CTNNA2: variants seen among roughly 807,000 people sequenced by gnomAD.
CTNNA2 encodes the protein catenin alpha 2.
In CTNNA2, 42 loss-of-function variants were observed where a neutral mutation model predicts 101.0. The ratio of observed to expected loss-of-function variants is 0.42; its 90% CI spans 0.32 to 0.54. The LOEUF (loss-of-function observed/expected upper bound fraction) is 0.54, where lower values mean the gene tolerates loss of function less well. Among genes scored for constraint, CTNNA2 ranks in the 20% least tolerant of loss-of-function variants. The pLI is 0.14. For missense variants in CTNNA2, 871 were observed against 1,223.1 expected, an observed-to-expected ratio of 0.71 and a Z score of 4.29; for synonymous variants, 450 against 456.4, an observed-to-expected ratio of 0.99 and a Z score of 0.18.
intron 7 of CTNNA2, among the ~76,000 whole-genome samples, chr2:79,991,059 C>T (rs191676829): frequency 2.6e-4 from 39 of 152,212 alleles, no homozygotes; most frequent in African/African-American, 7.0e-4. Context: ...AGTTTATTTG[C>T]GTATAGGTGT....
chr2:80,241,805 A>T (rs1670965667), intron 7 of CTNNA2, among the ~76,000 whole-genome samples: 1 of 152,212 alleles, frequency 6.6e-6, no homozygotes, highest in South Asian at 2.1e-4. Context: ...TTTGCTGTAG[A>T]TTAATGCCAG....
At chr2:80,414,707 AGACACAGG>A in intron 8 of CTNNA2, among the ~76,000 whole-genome samples, 1 of 152,326 alleles carries the variant, frequency 6.6e-6, no homozygotes, top group East Asian at 1.9e-4. Flanking sequence ...ATTGTCACAA[AGACACAGG>A]GTGCCTTAAC....
chr2:79,720,045 A>T (rs1686376330), intron 2 of CTNNA2, among the ~76,000 whole-genome samples: 1 of 152,132 alleles, frequency 6.6e-6, no homozygotes. Context: ...TTCAATCTTT[A>T]GTCCATCTTA....
At chr2:79,784,811 GA>G (rs1558927107) in intron 3 of CTNNA2, among the ~76,000 whole-genome samples, 2 of 151,144 alleles carry the variant, frequency 1.3e-5, no homozygotes, top group South Asian at 2.1e-4. Context: ...ATGTAATGTT[GA>G]AAAAAAGCAG....
chr2:80,254,392 A>G (rs528712432), intron 7 of CTNNA2, among the ~76,000 whole-genome samples: 1 of 152,306 alleles, frequency 6.6e-6, no homozygotes, highest in Admixed American at 6.5e-5. Flanking sequence ...TAGAAAAAAT[A>G]AGAAAGAAAG....
At chr2:79,823,401 C>T (rs1353593868) in intron 3 of CTNNA2, among the ~76,000 whole-genome samples, 1 of 152,044 alleles carries the variant, frequency 6.6e-6, no homozygotes, top group Non-Finnish European at 1.5e-5. Flanking sequence ...GCTGCTAGTC[C>T]CAGCTACTTG....
At chr2:79,961,726 G>A (rs1378113429) in intron 7 of CTNNA2, among the ~76,000 whole-genome samples, 2 of 151,376 alleles carry the variant, frequency 1.3e-5, no homozygotes, top group East Asian at 3.9e-4. Flanking sequence ...GGAGGCTGAG[G>A]CAAGAGAATG....
intron 7 of CTNNA2, among the ~76,000 whole-genome samples, chr2:79,970,313 T>A (rs1233961597): frequency 6.6e-6 from 1 of 152,166 alleles, no homozygotes; most frequent in Non-Finnish European, 1.5e-5. Context: ...ACTCCACGGG[T>A]ATGAGGCTGC....
chr2:80,456,885 C>G (rs1684024160), intron 9 of CTNNA2, among the ~76,000 whole-genome samples: 1 of 152,006 alleles, frequency 6.6e-6, no homozygotes, highest in African/African-American at 2.4e-5. Flanking sequence ...TACAAAAATA[C>G]AGTTAGGTAG....
chr2:80,274,928 G>C (rs1011087102), intron 7 of CTNNA2, among the ~76,000 whole-genome samples: 1 of 152,088 alleles, frequency 6.6e-6, no homozygotes, highest in Non-Finnish European at 1.5e-5. Context: ...ATAATGATTT[G>C]TTGACTTATC....
chr2:79,951,846 A>G (rs1688906015), intron 7 of CTNNA2, among the ~76,000 whole-genome samples: 1 of 152,148 alleles, frequency 6.6e-6, no homozygotes, highest in South Asian at 2.1e-4. Flanking sequence ...CCTGATGCCA[A>G]TGCTGTCAAC....
rs1553373413 is a variant in CTNNA2 at position 79,818,821 on chromosome 2, T to TTTTATATATATATATATATATATATATA, written c.299-39191_299-39190insTTATATATATATATATATATATATATAT. Among the ~76,000 whole-genome samples, 493 of 74,046 alleles carry TTTTATATATATATATATATATATATATA rather than the reference T, an allele frequency of 6.7e-3. 70 individuals are homozygous for TTTTATATATATATATATATATATATATA. Among genetic ancestry groups the TTTTATATATATATATATATATATATATA allele is most frequent in the East Asian group, 0.011 (16 of 1,450 alleles). The allele number at this position is 74,046 out of a possible 152,430, so 48.6% of individuals were successfully genotyped here. A position where few individuals can be genotyped will look rare whatever the true frequency, so the allele number is the denominator to read the frequency against. On this transcript the variant is annotated intron_variant, in intron 3 of 18. Coordinates refer to ENST00000402739, the MANE Select transcript of CTNNA2 (RefSeq NM_001282597.3). ...ATATACTTCAGGATCCAAAATGCAA[T>TTTTATATATATATATATATATATATATA]TATATATATATATATATATATATAT...
At chr2:80,615,228 C>T (rs1191923815) in intron 17 of CTNNA2, among the ~76,000 whole-genome samples, 1 of 151,484 alleles carries the variant, frequency 6.6e-6, no homozygotes, top group East Asian at 1.9e-4. Context: ...TTATTCAGTA[C>T]TGGATTTGAT....
chr2:80,439,340 G>A (rs1574043979), intron 9 of CTNNA2, among the ~76,000 whole-genome samples: 1 of 152,110 alleles, frequency 6.6e-6, no homozygotes, highest in South Asian at 2.1e-4. Flanking sequence ...AATAAATGAA[G>A]CATTGGTTAT....
At chr2:80,410,717 C>T (rs1443839958) in intron 8 of CTNNA2, among the ~76,000 whole-genome samples, 2 of 152,038 alleles carry the variant, frequency 1.3e-5, no homozygotes, top group Admixed American at 6.6e-5. Context: ...AAAATGTGCC[C>T]CTGCTCATCA....
chr2:79,652,433 C>A (rs185151061), intron 2 of CTNNA2, among the ~76,000 whole-genome samples: 6 of 152,146 alleles, frequency 3.9e-5, no homozygotes, highest in Admixed American at 2.0e-4. Context: ...TCTTGCTTTT[C>A]CCATCTTCTA....
At chr2:79,991,768 C>T (rs1017790404) in intron 7 of CTNNA2, among the ~76,000 whole-genome samples, 30 of 152,228 alleles carry the variant, frequency 2.0e-4, no homozygotes, top group African/African-American at 6.3e-4. Flanking sequence ...TCCAAAATGG[C>T]TCCAGCCTCC....
At chr2:79,538,576 A>G (rs757324596) in intron 1 of CTNNA2, among the ~76,000 whole-genome samples, 21 of 152,234 alleles carry the variant, frequency 1.4e-4, no homozygotes, top group Non-Finnish European at 2.6e-4. Context: ...GCAGATTTTG[A>G]GAGTGGAAAT....
chr2:80,364,820 A>C (rs1443869177), intron 7 of CTNNA2, among the ~76,000 whole-genome samples: 1 of 152,114 alleles, frequency 6.6e-6, no homozygotes, highest in African/African-American at 2.4e-5. Flanking sequence ...TTAGTCTATC[A>C]GCTTTTCCTT....
Sources: gnomAD v4.1 joint callset for allele counts (sites outside exome capture counted in the v4.1 genomes callset) on GRCh38, gnomAD v4.1.1 for gene constraint, MANE v1.5 for transcripts, NCBI Gene and HGNC (gene_info 2026-07-23, HGNC 2026-07-21) for gene names.